CNBD2: variants seen among roughly 807,000 people sequenced by gnomAD.
CNBD2 encodes cyclic nucleotide-binding domain-containing protein 2.
In CNBD2, 64 loss-of-function variants were observed where a neutral mutation model predicts 63.7. The ratio of observed to expected loss-of-function variants is 1.00; its 90% CI spans 0.82 to 1.24. The LOEUF is 1.24. Among genes scored for constraint, CNBD2 ranks in the 50% most tolerant of loss-of-function variants. The probability of loss-of-function intolerance (pLI) is 0.00; values close to 1 mark genes in which losing one functional copy is unlikely to be tolerated. For missense variants in CNBD2, 691 were observed against 713.5 expected (o/e 0.97, Z 0.36); for synonymous variants, 229 against 255.4 (o/e 0.90, Z 0.99).
At chr20:36,005,877 G>T (rs1257795308) in intron 8 of CNBD2, among the ~76,000 whole-genome samples, 1 of 151,810 alleles carries the variant, frequency 6.6e-6, no homozygotes, top group Non-Finnish European at 1.5e-5. Context: ...TGTGAACTTG[G>T]GAGGTGGAGC....
intron 8 of CNBD2, among the ~76,000 whole-genome samples, 173 bp downstream of exon 8, chr20:35,995,325 C>CTT (rs141687376): frequency 0.025 from 3,638 of 148,406 alleles, 149 homozygotes; most frequent in African/African-American, 0.085. Flanking sequence ...CCTTTCCAGC[C>CTT]TTTTTTTTTT....
intron 2 of CNBD2, 67 bp from the exon 3 acceptor site, chr20:35,975,882 T>C (rs552117974): frequency 1.4e-6 from 2 of 1,426,374 alleles, no homozygotes; most frequent in Non-Finnish European, 2.0e-6. Context: ...ACAGGAGGGC[T>C]CTAGATGCAA....
chr20:36,030,328 GAAC>G, intron 11 of CNBD2, 26 bp from the exon 12 acceptor site: 1 of 1,610,588 alleles, frequency 6.2e-7, no homozygotes, highest in East Asian at 2.2e-5. Flanking sequence ...ACTGGCATGA[GAAC>G]CTCGGCTTCT....
chr20:35,964,563 T>C (rs1308902102), upstream of CNBD2, among the ~76,000 whole-genome samples: 1 of 147,934 alleles, frequency 6.8e-6, no homozygotes, highest in African/African-American at 2.5e-5. Context: ...GCTATTTTTT[T>C]TTTTTGTATT....
intron 4 of CNBD2, among the ~76,000 whole-genome samples, chr20:35,981,902 C>T (rs1453566081): frequency 6.6e-6 from 1 of 152,130 alleles, no homozygotes; most frequent in Non-Finnish European, 1.5e-5. Flanking sequence ...AATCACAAGG[C>T]CAGTGAGTAC....
intron 11 of CNBD2, 54 bp from the exon 12 acceptor site, chr20:36,030,303 G>A: frequency 6.3e-7 from 1 of 1,582,124 alleles, no homozygotes; most frequent in Non-Finnish European, 8.7e-7. Context: ...CAGGAGGCAA[G>A]GCTGGAGGGG....
chr20:35,972,377 G>A (rs900585250), intron 1 of CNBD2, among the ~76,000 whole-genome samples: 2 of 152,162 alleles, frequency 1.3e-5, no homozygotes, highest in South Asian at 2.1e-4. Flanking sequence ...ACTAGCTTCT[G>A]GGGAGAGATG....
chr20:36,013,698 A>G (rs913078785), intron 10 of CNBD2, among the ~76,000 whole-genome samples: 26 of 152,332 alleles, frequency 1.7e-4, no homozygotes, highest in African/African-American at 4.6e-4. Context: ...CACAGTGTTA[A>G]CACTGAAATA....
chr20:35,968,694 G>A lies in CNBD2; in HGVS notation c.-69G>A. 7.8e-7 allele frequency: 1 copy of A among 1,280,890 alleles called. No homozygotes were observed. The highest frequency in any genetic ancestry group is 1.3e-5 in the South Asian group (1 of 78,326). 79.3% of individuals were successfully genotyped at this position (1,280,890 alleles called of 1,614,324 possible). ...TGTTTCTAGTATTACTGGATTTTTG[G>A]GGAAAAATTTGTAGTCCTCCCCTTG... On this transcript the variant is annotated 5_prime_UTR_variant, in exon 1 of 12. An upstream open reading frame in the 5' UTR gains an earlier in-frame stop. Coordinates refer to ENST00000373973, the MANE Select transcript of CNBD2 (RefSeq NM_001365709.1).
chr20:35,966,417 C>A (rs2056345240), upstream of CNBD2, among the ~76,000 whole-genome samples: 2 of 152,236 alleles, frequency 1.3e-5, no homozygotes, highest in South Asian at 2.1e-4. Context: ...AACAGATATA[C>A]CCCACGGGAT....
intron 2 of CNBD2, chr20:35,975,007 AT>A (rs564560331): frequency 2.0e-4 from 28 of 139,018 alleles, no homozygotes; most frequent in East Asian, 4.3e-4. Flanking sequence ...ATTTTTTTTT[AT>A]TTTTTTTTTT....
rs1415979032 is a variant in CNBD2, at chr20:36,006,816, C to A, written c.971-1481C>A. Reference sequence around the variant, plus strand: ...TGCCGCCTCCCAGTCAATCTCTACCCCTCACCCTTGCCCTAGGCAACCACT... The same window carrying A: ...TGCCGCCTCCCAGTCAATCTCTACCACTCACCCTTGCCCTAGGCAACCACT... On this transcript the variant is annotated intron_variant, in intron 8 of 11. Coordinates refer to ENST00000373973, the MANE Select transcript of CNBD2 (RefSeq NM_001365709.1). Among the ~76,000 whole-genome samples, 3 of 152,190 alleles carry A rather than the reference C, an allele frequency of 2.0e-5. No individual in the cohort carries two copies. In the East Asian group the frequency reaches 5.8e-4, roughly 29 times the overall value.
At chr20:35,958,117 A>G (rs6121104), downstream of CNBD2, among the ~76,000 whole-genome samples, 1,709 of 152,290 alleles carry the variant, frequency 0.011, 23 homozygotes, top group African/African-American at 0.038. Context: ...GAGCCATCAC[A>G]CTGGAGAATA....
intron 11 of CNBD2, among the ~76,000 whole-genome samples, chr20:36,029,282 A>G (rs1197205705): frequency 2.0e-5 from 3 of 152,186 alleles, no homozygotes; most frequent in African/African-American, 7.2e-5. Context: ...GGTTGTGAAA[A>G]TTAAATGAGT....
At chr20:36,028,902 C>A (rs536529934) in intron 11 of CNBD2, among the ~76,000 whole-genome samples, 1 of 152,230 alleles carries the variant, frequency 6.6e-6, no homozygotes, top group South Asian at 2.1e-4. Flanking sequence ...TCTCAAACTC[C>A]TGATCTGAAG....
chr20:35,987,538 A>T lies in CNBD2; in HGVS notation c.855+5A>T. The T allele has an allele frequency of 6.2e-7, 1 of 1,614,116 alleles. No homozygotes were observed. The highest frequency in any genetic ancestry group is 8.5e-7 in the Non-Finnish European group (1 of 1,179,990). On this transcript the variant is annotated splice_donor_5th_base_variant and intron_variant, in intron 7 of 11. Transcript: ENST00000373973. ...TTCATCATGTTTATCAGCAAGGTGA[A>T]AAGTCTGGGGGTTGGGATGAGGGTG... is the stretch of plus-strand genomic sequence containing the variant.
chr20:36,008,821 T>G (rs1230110446), intron 9 of CNBD2, among the ~76,000 whole-genome samples: 3 of 152,150 alleles, frequency 2.0e-5, no homozygotes, highest in Admixed American at 2.0e-4. Context: ...CTTCAGAAAA[T>G]TCTGTCCATC....
chr20:35,989,904 G>T (rs868103654), intron 7 of CNBD2, among the ~76,000 whole-genome samples: 1 of 149,946 alleles, frequency 6.7e-6, no homozygotes, highest in Non-Finnish European at 1.5e-5. Context: ...GGGGAGGGGA[G>T]GGGAGGGGGA....
intron 11 of CNBD2, among the ~76,000 whole-genome samples, chr20:36,024,983 A>G (rs562174572): frequency 1.3e-5 from 2 of 152,360 alleles, no homozygotes; most frequent in East Asian, 3.9e-4. Context: ...CATAGCAGCC[A>G]TATTCATAAT....
Sources: gnomAD v4.1 joint callset for allele counts (sites outside exome capture counted in the v4.1 genomes callset) on GRCh38, gnomAD v4.1.1 for gene constraint, MANE v1.5 for transcripts, NCBI Gene and HGNC (gene_info 2026-07-23, HGNC 2026-07-21) for gene names.